The following FYB1 variants were observed in gnomAD, a reference collection of about 807,000 sequenced individuals.
FYB1 encodes the protein FYN binding protein 1, also known as FYN-binding protein 1.
A neutral mutation model predicts 94.1 loss-of-function variants in FYB1; 41 were observed. That is an observed-to-expected ratio of 0.44 (90% CI 0.34 to 0.57). The LOEUF is 0.57. Among genes scored for constraint, FYB1 ranks in the 20% least tolerant of loss-of-function variants. The pLI is 0.02. For missense variants in FYB1, 1,050 were observed against 976.8 expected (o/e 1.07, Z -1.00); for synonymous variants, 367 against 353.2 (o/e 1.04, Z -0.44).
intron 5 of FYB1, 119 bp from the exon 6 acceptor site, chr5:39,138,810 T>A: frequency 1.4e-6 from 1 of 706,196 alleles, no homozygotes; most frequent in Non-Finnish European, 2.6e-6. Context: ...TTGAACCACA[T>A]ATTAAATGGT....
intron 16 of FYB1, among the ~76,000 whole-genome samples, chr5:39,115,829 T>G (rs921488873): frequency 6.6e-6 from 1 of 152,126 alleles, no homozygotes; most frequent in African/African-American, 2.4e-5. Flanking sequence ...AACCCGAAAG[T>G]CAGTAACATG....
At chr5:39,148,155 T>TTTTATA (rs1742876290) in intron 3 of FYB1, among the ~76,000 whole-genome samples, 1 of 37,646 alleles carries the variant, frequency 2.7e-5, no homozygotes, top group Non-Finnish European at 4.2e-5. Flanking sequence ...TATGTATTTT[T>TTTTATA]TATATATATA....
chr5:39,123,385 CAT>C (rs1425823415), intron 13 of FYB1, among the ~76,000 whole-genome samples: 1 of 152,136 alleles, frequency 6.6e-6, no homozygotes, highest in East Asian at 1.9e-4. Context: ...GCACTTAAAA[CAT>C]ATTTAAGAAC....
intron 7 of FYB1, 95 bp downstream of exon 7, chr5:39,137,505 T>A: frequency 1.4e-6 from 2 of 1,382,382 alleles, no homozygotes; most frequent in Non-Finnish European, 1.9e-6. Context: ...AATAAGTAAT[T>A]CTTCAACTAT....
intron 2 of FYB1, among the ~76,000 whole-genome samples, chr5:39,187,394 C>T (rs1472324721): frequency 6.6e-6 from 1 of 152,172 alleles, no homozygotes; most frequent in Non-Finnish European, 1.5e-5. Context: ...CTTGCTTTTG[C>T]ATTGGTCTAA....
chr5:39,261,357 C>CACACAT (rs1752207382), intron 1 of FYB1, among the ~76,000 whole-genome samples: 1 of 148,410 alleles, frequency 6.7e-6, no homozygotes, highest in South Asian at 2.1e-4. Context: ...CACACACACA[C>CACACAT]ACACACACAC....
At chr5:39,164,646 C>T (rs767543516) in intron 2 of FYB1, among the ~76,000 whole-genome samples, 1 of 152,156 alleles carries the variant, frequency 6.6e-6, no homozygotes, top group Non-Finnish European at 1.5e-5. Context: ...AACTCCTGAC[C>T]TCACGTGAAC....
intron 2 of FYB1, among the ~76,000 whole-genome samples, chr5:39,176,850 T>C (rs1250731834): frequency 1.3e-5 from 2 of 152,232 alleles, no homozygotes; most frequent in Non-Finnish European, 2.9e-5. Context: ...TTAATTGAGA[T>C]GGTGTAGGCA....
At chr5:39,227,127 A>G (rs931222093) in intron 1 of FYB1, among the ~76,000 whole-genome samples, 1 of 152,240 alleles carries the variant, frequency 6.6e-6, no homozygotes, top group Non-Finnish European at 1.5e-5. Context: ...ACACACTCAC[A>G]TACGTTCATA....
At position 39,105,370 on chromosome 5, in the gene FYB1, A is replaced by G. The variant is rs1760316014; in HGVS notation, c.*2073T>C. ...AATTAATACTTCAAATATCTTTCAC[A>G]TTAAGATGATTATCTATTGTGTAAA... is the stretch of plus-strand genomic sequence containing the variant. On this transcript the variant is annotated 3_prime_UTR_variant, in exon 19 of 19. Coordinates refer to ENST00000512982, the MANE Select transcript of FYB1 (RefSeq NM_001465.6). The G allele has an allele frequency of 6.6e-6, 1 of 152,202 alleles. No individual in the cohort carries two copies. 9.4% of individuals were successfully genotyped at this position (152,202 alleles called of 1,614,324 possible).
intron 2 of FYB1, among the ~76,000 whole-genome samples, chr5:39,158,257 C>A (rs1276456994): frequency 6.6e-6 from 1 of 152,204 alleles, no homozygotes; most frequent in Non-Finnish European, 1.5e-5. Context: ...AGTCACGTTC[C>A]CCTGCTCAGG....
intron 2 of FYB1, among the ~76,000 whole-genome samples, chr5:39,177,178 G>A (rs542202587): frequency 6.6e-6 from 1 of 152,246 alleles, no homozygotes; most frequent in African/African-American, 2.4e-5. Context: ...ACATCATGCA[G>A]TGGCCCCACA....
At chr5:39,228,688 T>C (rs1412763017) in intron 1 of FYB1, among the ~76,000 whole-genome samples, 1 of 152,096 alleles carries the variant, frequency 6.6e-6, no homozygotes, top group African/African-American at 2.4e-5. Flanking sequence ...AATTCCCCAG[T>C]GGTTAAAGAA....
At chr5:39,125,159 C>T (rs1740523428) in intron 12 of FYB1, among the ~76,000 whole-genome samples, 1 of 151,758 alleles carries the variant, frequency 6.6e-6, no homozygotes, top group Non-Finnish European at 1.5e-5. Context: ...TTGTGTTTTC[C>T]TAGAATTTCA....
At chr5:39,181,793 C>T (rs1423304541) in intron 2 of FYB1, among the ~76,000 whole-genome samples, 8 of 152,160 alleles carry the variant, frequency 5.3e-5, no homozygotes, top group African/African-American at 1.7e-4. Context: ...CCAAACCCAA[C>T]CTCTTTTCTC....
At chr5:39,230,509 G>A (rs768988721) in intron 1 of FYB1, among the ~76,000 whole-genome samples, 8 of 151,782 alleles carry the variant, frequency 5.3e-5, no homozygotes, top group Non-Finnish European at 7.4e-5. Context: ...TGAAATTCAT[G>A]GTAATTTGTC....
intron 3 of FYB1, among the ~76,000 whole-genome samples, chr5:39,151,993 T>A (rs903822095): frequency 2.0e-5 from 3 of 152,216 alleles, no homozygotes; most frequent in African/African-American, 7.2e-5. Flanking sequence ...TAGCTTCCCC[T>A]TCTTGGGGAA....
intron 16 of FYB1, among the ~76,000 whole-genome samples, chr5:39,114,763 A>G (rs1298280942): frequency 6.6e-6 from 1 of 152,142 alleles, no homozygotes; most frequent in Non-Finnish European, 1.5e-5. Context: ...TGGCTATCCA[A>G]CTGCAGTTTC....
At chr5:39,182,948 C>A (rs181577835) in intron 2 of FYB1, among the ~76,000 whole-genome samples, 1 of 152,306 alleles carries the variant, frequency 6.6e-6, no homozygotes, top group Admixed American at 6.5e-5. Flanking sequence ...ACAGACAGGT[C>A]TCATTCTAAG....
Sources: allele counts gnomAD v4.1 joint callset (sites outside exome capture counted in the v4.1 genomes callset), GRCh38; gene constraint gnomAD v4.1.1; transcripts MANE v1.5; gene names NCBI Gene and HGNC (gene_info 2026-07-23, HGNC 2026-07-21).